Variants in DPYD observed in about 807,000 individuals in gnomAD.
The protein encoded by DPYD is dihydropyrimidine dehydrogenase.
A neutral mutation model predicts 116.2 loss-of-function variants in DPYD; 109 were observed. The observed-to-expected ratio is 0.94, with a 90% CI of 0.80 to 1.10. The LOEUF (loss-of-function observed/expected upper bound fraction) is 1.10. Ranked by LOEUF, DPYD falls within the 50% of genes least tolerant of loss-of-function variation. The pLI, the probability that DPYD is intolerant of heterozygous loss-of-function variation, is 0.00. For missense variants in DPYD, 1,302 were observed against 1,254.5 expected, an observed-to-expected ratio of 1.04 and a Z score of -0.57; for synonymous variants, 440 against 432.0, an observed-to-expected ratio of 1.02 and a Z score of -0.23.
intron 14 of DPYD, among the ~76,000 whole-genome samples, chr1:97,415,719 G>GATAA (rs1222799708): frequency 6.6e-6 from 1 of 152,150 alleles, no homozygotes; most frequent in East Asian, 1.9e-4. Context: ...CTTTATTACT[G>GATAA]ATAAATTTTT....
At chr1:97,660,894 TATC>T (rs1557867277) in intron 8 of DPYD, among the ~76,000 whole-genome samples, 2 of 152,140 alleles carry the variant, frequency 1.3e-5, no homozygotes, top group Non-Finnish European at 1.5e-5. Context: ...TAAATTTAAT[TATC>T]ATCTCAAACA....
In DPYD at chr1:97,751,429, C is replaced by CGTGT. The variant is rs564067118; in HGVS notation, c.234-10954_234-10951dup. Among the ~76,000 whole-genome samples the CGTGT allele has an allele frequency of 8.9e-3, 470 of 52,938 alleles. 35 individuals are homozygous for CGTGT. The highest frequency in any genetic ancestry group is 0.025 in the East Asian group (21 of 830). The allele number at this position is 52,938 out of a possible 152,430, so 34.7% of individuals were successfully genotyped here. On this transcript the variant is annotated intron_variant, in intron 3 of 22. Transcript: ENST00000370192. Reference sequence around the variant, plus strand: ...ATATACGTGTATATATATATGTATACGTGTGTGTGTGTGTGTGTGTGTGTG... The same window carrying CGTGT: ...ATATACGTGTATATATATATGTATACGTGTGTGTGTGTGTGTGTGTGTGTGTGTG...
intron 13 of DPYD, among the ~76,000 whole-genome samples, chr1:97,507,129 T>C (rs1647397569): frequency 6.6e-6 from 1 of 152,002 alleles, no homozygotes. Context: ...GTACTATATG[T>C]GAACTGTAGC....
At position 97,607,280 on chromosome 1, in the gene DPYD, T is replaced by A. The variant is rs188573586; in HGVS notation, c.851-12114A>T. On this transcript the variant is annotated intron_variant, in intron 8 of 22. Transcript: ENST00000370192. ...GTCAAAGCTGAGTCTCAGCTTTCTG[T>A]TGTATCTCAATAGCCTATACGTCCT... 2.6e-3 allele frequency among the ~76,000 whole-genome samples: 399 copies of A among 152,082 alleles called. 2 individuals carry two copies. Among genetic ancestry groups the A allele is most frequent in the Middle Eastern group, 6.8e-3 (2 of 294 alleles).
At chr1:97,561,428 G>A (rs570028319) in intron 11 of DPYD, among the ~76,000 whole-genome samples, 89 of 152,082 alleles carry the variant, frequency 5.9e-4, no homozygotes, top group Admixed American at 2.5e-3. Flanking sequence ...CATCCATTTG[G>A]TGAATATTTA....
At chr1:97,245,430 G>T (rs975055860) in intron 18 of DPYD, among the ~76,000 whole-genome samples, 2 of 151,964 alleles carry the variant, frequency 1.3e-5, no homozygotes, top group African/African-American at 4.8e-5. Flanking sequence ...AGTATAAATA[G>T]AAGAACTATT....
At chr1:97,612,900 A>C (rs1192901967) in intron 8 of DPYD, among the ~76,000 whole-genome samples, 1 of 151,968 alleles carries the variant, frequency 6.6e-6, no homozygotes, top group Non-Finnish European at 1.5e-5. Context: ...CCAGGACAAC[A>C]CTACATGGAT....
At chr1:97,323,420 A>ATACATATGTGTCTATGTACACGTATG (rs912870621) in intron 16 of DPYD, among the ~76,000 whole-genome samples, 1 of 72,586 alleles carries the variant, frequency 1.4e-5, no homozygotes, top group African/African-American at 4.6e-5. Context: ...GTACACGTAT[A>ATACATATGTGTCTATGTACACGTATG]TATACATATG....
intron 18 of DPYD, among the ~76,000 whole-genome samples, chr1:97,293,412 T>C (rs564308106): frequency 6.6e-6 from 1 of 152,148 alleles, no homozygotes; most frequent in Non-Finnish European, 1.5e-5. Context: ...ATACCAGCTG[T>C]GTGATGTTAT....
intron 2 of DPYD, among the ~76,000 whole-genome samples, chr1:97,829,381 T>C (rs1425298512): frequency 6.6e-6 from 1 of 152,056 alleles, no homozygotes; most frequent in African/African-American, 2.4e-5. Flanking sequence ...CACAGTTATA[T>C]GTTGTTATAA....
At chr1:97,675,809 T>C (rs1056884750) in intron 8 of DPYD, among the ~76,000 whole-genome samples, 4 of 150,842 alleles carry the variant, frequency 2.7e-5, no homozygotes, top group Admixed American at 6.6e-5. Flanking sequence ...AGTGCAGTGG[T>C]GAGATCTCGG....
chr1:97,259,569 C>G (rs1050920360), intron 18 of DPYD, among the ~76,000 whole-genome samples: 1 of 151,862 alleles, frequency 6.6e-6, no homozygotes, highest in Non-Finnish European at 1.5e-5. Flanking sequence ...CAAGGTTGGG[C>G]AGTGACTTAG....
At chr1:97,360,529 T>C (rs979348187) in intron 16 of DPYD, among the ~76,000 whole-genome samples, 1 of 152,080 alleles carries the variant, frequency 6.6e-6, no homozygotes, top group Non-Finnish European at 1.5e-5. Flanking sequence ...TCACACTAAT[T>C]CCAAAATTGA....
At chr1:97,510,379 G>T (rs1004895303) in intron 13 of DPYD, among the ~76,000 whole-genome samples, 8 of 151,868 alleles carry the variant, frequency 5.3e-5, no homozygotes, top group African/African-American at 1.9e-4. Context: ...TGGTTCTCTT[G>T]ACTGTATCGT....
intron 20 of DPYD, 94 bp from the exon 21 acceptor site, chr1:97,098,726 G>GT: frequency 1.4e-6 from 2 of 1,411,758 alleles, no homozygotes; most frequent in Admixed American, 3.9e-5. Context: ...ACAAACAAAT[G>GT]TGTGTCTAGG....
intron 5 of DPYD, among the ~76,000 whole-genome samples, chr1:97,709,282 G>A (rs1662153800): frequency 6.6e-6 from 1 of 151,858 alleles, no homozygotes; most frequent in Admixed American, 6.6e-5. Flanking sequence ...AAACAAAGTA[G>A]TAAAAGTCAC....
intron 8 of DPYD, among the ~76,000 whole-genome samples, chr1:97,616,019 C>T (rs1218464281): frequency 2.6e-5 from 4 of 152,046 alleles, no homozygotes; most frequent in Admixed American, 2.6e-4. Context: ...ACTGACAGAC[C>T]ACTGTCACTC....
chr1:97,156,982 T>C (rs1286762281), intron 20 of DPYD, among the ~76,000 whole-genome samples: 2 of 150,854 alleles, frequency 1.3e-5, no homozygotes, highest in East Asian at 2.0e-4. Context: ...ATGGATGAAA[T>C]TGGAAATCAT....
rs758563239 is a variant in DPYD at position 97,903,538 on chromosome 1, G to C, written c.39+17346C>G. Among the ~76,000 whole-genome samples the C allele has an allele frequency of 7.2e-5, 11 of 151,806 alleles. 1 individual carries two copies. Among genetic ancestry groups the C allele is most frequent in the African/African-American group, 2.7e-4 (11 of 41,382 alleles). On this transcript the variant is annotated intron_variant, in intron 1 of 22. Coordinates refer to ENST00000370192, the MANE Select transcript of DPYD (RefSeq NM_000110.4). ...CAAATCAATATCTAACATGGACAACGCTAAGTAAATGTCCTTGGTTATTAA... is the reference window on the plus strand; with the variant it reads ...CAAATCAATATCTAACATGGACAACCCTAAGTAAATGTCCTTGGTTATTAA...
Sources: gnomAD v4.1 joint callset for allele counts (sites outside exome capture counted in the v4.1 genomes callset) on GRCh38, gnomAD v4.1.1 for gene constraint, MANE v1.5 for transcripts, NCBI Gene and HGNC (gene_info 2026-07-23, HGNC 2026-07-21) for gene names.